PMFBP1: variants seen among roughly 807,000 people sequenced by gnomAD.
PMFBP1 encodes the protein polyamine-modulated factor 1-binding protein 1.
A neutral mutation model predicts 137.8 loss-of-function variants in PMFBP1; 131 were observed. That is an observed-to-expected ratio of 0.95 (90% CI 0.82 to 1.10). The LOEUF is 1.10. PMFBP1 is among the 50% of genes least tolerant of loss of function. PMFBP1 has a pLI of 0.00. For synonymous variants in PMFBP1, 490 were observed against 450.4 expected (o/e 1.09, Z -1.11); for missense variants, 1,199 against 1,175.4 (o/e 1.02, Z -0.29).
At chr16:72,202,696 C>T in the PMFBP1 span, among the ~76,000 whole-genome samples, 2 of 152,332 alleles carry the variant, frequency 1.3e-5, no homozygotes, top group African/African-American at 4.8e-5. Context: ...ATCTCTCACT[C>T]ACGCATCCTC....
At chr16:72,217,321 A>G in the PMFBP1 span, among the ~76,000 whole-genome samples, 5 of 152,234 alleles carry the variant, frequency 3.3e-5, no homozygotes, top group African/African-American at 1.2e-4. Flanking sequence ...TAAAATACAC[A>G]GTACTCTGTT....
rs751308187 is a variant in PMFBP1, at chr16:72,139,408, A to C, written c.808-9T>G. 6.2e-7 allele frequency: 1 copy of C among 1,601,170 alleles called. No homozygotes were observed. Among genetic ancestry groups the C allele is most frequent in the Admixed American group, 1.7e-5 (1 of 59,934 alleles). On this transcript the variant is annotated splice_polypyrimidine_tract_variant and intron_variant, in intron 6 of 20. Transcript: ENST00000237353. ...TTTTCACGCTCCAGAACCTGCAAATAAGCTTAGATCAGTTATGCTGGATGA... is the reference window on the plus strand; with the variant it reads ...TTTTCACGCTCCAGAACCTGCAAATCAGCTTAGATCAGTTATGCTGGATGA...
the PMFBP1 span, among the ~76,000 whole-genome samples, chr16:72,240,258 A>C: frequency 6.6e-6 from 1 of 152,240 alleles, no homozygotes; most frequent in Admixed American, 6.5e-5. Flanking sequence ...GTAACTTAAC[A>C]TGGTTACTAG....
At chr16:72,142,914 A>C (rs559163952) in intron 5 of PMFBP1, among the ~76,000 whole-genome samples, 1 of 152,364 alleles carries the variant, frequency 6.6e-6, no homozygotes, top group East Asian at 1.9e-4. Flanking sequence ...AATTTAGGCC[A>C]TCAAATTAAT....
the PMFBP1 span, among the ~76,000 whole-genome samples, chr16:72,226,203 C>T: frequency 6.6e-6 from 1 of 152,180 alleles, no homozygotes; most frequent in African/African-American, 2.4e-5. Context: ...GAGTATTCCT[C>T]TGGGAATTCT....
chr16:72,206,488 C>T, the PMFBP1 span, among the ~76,000 whole-genome samples: 1 of 152,208 alleles, frequency 6.6e-6, no homozygotes, highest in African/African-American at 2.4e-5. Flanking sequence ...GAACAATGCA[C>T]TGAAATGCAT....
chr16:72,247,118 A>G, the PMFBP1 span, among the ~76,000 whole-genome samples: 3 of 152,214 alleles, frequency 2.0e-5, no homozygotes, highest in Non-Finnish European at 4.4e-5. Context: ...CATTAATGCC[A>G]TTTGCTAGCA....
chr16:72,119,979 A>T lies in PMFBP1; in HGVS notation c.2879T>A (p.Leu960Gln), dbSNP rs201507556. ...AENTRLCTKA[L>Q]GPSRTESTQR... ...TGTGGACTCCGTTCTGCTCGGGCCT[A>T]GGGCTTTGGTGCATAGCCTTGTGTT... is the stretch of plus-strand genomic sequence containing the variant. The change falls in exon 20 of 21, where the codon CTA (leucine) becomes CAA (glutamine). Residue 960 changes from leucine (L) to glutamine (Q), a missense_variant. By Grantham distance (113) the Leu-to-Gln change is moderately radical. Coordinates refer to ENST00000237353, the MANE Select transcript of PMFBP1 (RefSeq NM_031293.3). 181 of 1,614,148 alleles carry T rather than the reference A, an allele frequency of 1.1e-4. 1 individual carries two copies. The East Asian group carries it at 3.6e-3, about 32-fold the overall frequency.
chr16:72,206,434 C>T, the PMFBP1 span, among the ~76,000 whole-genome samples: 1,380 of 152,282 alleles, frequency 9.1e-3, 18 homozygotes, highest in African/African-American at 0.032. Context: ...GAGGGCAGCT[C>T]CACAGATAAG....
At chr16:72,159,797 CTT>C (rs34162927) in intron 3 of PMFBP1, among the ~76,000 whole-genome samples, 46 of 147,594 alleles carry the variant, frequency 3.1e-4, no homozygotes, top group African/African-American at 7.4e-4. Flanking sequence ...GCTTCTTTGT[CTT>C]TTTTTTTTTT....
intron 2 of PMFBP1, among the ~76,000 whole-genome samples, chr16:72,168,250 T>C (rs923673473): frequency 7.9e-5 from 12 of 152,132 alleles, no homozygotes; most frequent in Non-Finnish European, 1.6e-4. Flanking sequence ...TTTTGATGCA[T>C]CAGAAAAGGA....
Position 72,139,278 on chromosome 16 carries a change from ATTTCTCCCACC to A in PMFBP1, c.918_918+10del. ...GATCCCAGTAGGCACAGATCAGCAAATTTCTCCCACCTTTTTGATGTCTTCACACTCTTCTG... is the reference window on the plus strand; with the variant it reads ...GATCCCAGTAGGCACAGATCAGCAAATTTTTGATGTCTTCACACTCTTCTG... On this transcript the variant is annotated splice_donor_variant and splice_donor_5th_base_variant and coding_sequence_variant and intron_variant, in exon 7 of 21. Coordinates refer to ENST00000237353, the MANE Select transcript of PMFBP1 (RefSeq NM_031293.3). LOFTEE classifies it high-confidence loss of function. The A allele has an allele frequency of 6.2e-7, 1 of 1,604,666 alleles. No individual in the cohort carries two copies. The highest frequency in any genetic ancestry group is 8.5e-7 in the Non-Finnish European group (1 of 1,171,630).
At chr16:72,222,368 A>G in the PMFBP1 span, among the ~76,000 whole-genome samples, 1 of 152,164 alleles carries the variant, frequency 6.6e-6, no homozygotes, top group Non-Finnish European at 1.5e-5. Context: ...GCCTCAAACT[A>G]GAAAGGCTTT....
intron 5 of PMFBP1, among the ~76,000 whole-genome samples, chr16:72,150,384 G>C (rs1274168914): frequency 1.3e-5 from 2 of 152,134 alleles, no homozygotes; most frequent in African/African-American, 2.4e-5. Flanking sequence ...TATTTGAAGT[G>C]GTGACTCTTT....
At chr16:72,136,025 G>A (rs960453853) in intron 9 of PMFBP1, among the ~76,000 whole-genome samples, 1 of 152,018 alleles carries the variant, frequency 6.6e-6, no homozygotes, top group East Asian at 1.9e-4. Flanking sequence ...AAAGTGCTGG[G>A]ATTACAGGCT....
At chr16:72,195,195 T>C in the PMFBP1 span, among the ~76,000 whole-genome samples, 6,353 of 152,212 alleles carry the variant, frequency 0.042, 394 homozygotes, top group African/African-American at 0.15. Context: ...GGGCCCACGT[T>C]TTCTGGCCAG....
In PMFBP1 at chr16:72,140,499, T is replaced by C; in HGVS notation, c.720A>G (p.Lys240=). Residue 240 remains lysine, a synonymous_variant, in exon 6 of 21, where the codon AAA becomes AAG. Transcript: ENST00000237353. ...CMIQEHQETQ[K]RLSEVWQKVS... is the part of the protein sequence containing the mutation. ...CCTTTTGCCAGACTTCAGACAGTCG[T>C]TTCTGAGTCTCCTGATGCTCTTGAA... The C allele has an allele frequency of 6.2e-7, 1 of 1,613,244 alleles. No homozygotes were observed. Among genetic ancestry groups the C allele is most frequent in the South Asian group, 1.1e-5 (1 of 91,068 alleles).
At chr16:72,238,160 T>C in the PMFBP1 span, among the ~76,000 whole-genome samples, 1 of 152,262 alleles carries the variant, frequency 6.6e-6, no homozygotes, top group South Asian at 2.1e-4. Context: ...CCTTTGGGTA[T>C]ATACCCAGTA....
intron 14 of PMFBP1, chr16:72,128,396 T>C (rs1383839303): frequency 2.8e-5 from 39 of 1,415,980 alleles, no homozygotes; most frequent in Non-Finnish European, 3.5e-5. Context: ...AAATGTAACA[T>C]TGGAAGACTT....
Sources: allele counts gnomAD v4.1 joint callset (sites outside exome capture counted in the v4.1 genomes callset), GRCh38; gene constraint gnomAD v4.1.1; transcripts MANE v1.5; gene names NCBI Gene and HGNC (gene_info 2026-07-23, HGNC 2026-07-21).